The following TDRD9 variants were observed in gnomAD, a reference collection of about 807,000 sequenced individuals.
TDRD9 encodes the protein ATP-dependent RNA helicase TDRD9.
Under a neutral mutation model 172.6 loss-of-function variants are expected in TDRD9, and 124 were observed. The observed-to-expected ratio is 0.72, with a 90% CI of 0.62 to 0.83. TDRD9 has a LOEUF of 0.83. Ranked by LOEUF, TDRD9 falls within the 40% of genes least tolerant of loss-of-function variation. TDRD9 has a pLI of 0.00. For synonymous variants in TDRD9, 619 were observed against 617.1 expected, an observed-to-expected ratio of 1.00 and a Z score of -0.05; for missense variants, 1,479 against 1,714.1, an observed-to-expected ratio of 0.86 and a Z score of 2.42.
chr14:103,935,037 A>C (rs2030661408), intron 1 of TDRD9, among the ~76,000 whole-genome samples: 1 of 152,112 alleles, frequency 6.6e-6, no homozygotes, highest in African/African-American at 2.4e-5. Context: ...GCGAAGACTG[A>C]TTTTCCCTGA....
In TDRD9 at chr14:103,951,252, A is replaced by G. The variant is rs557691624; in HGVS notation, c.216-4412A>G. 4.9e-4 allele frequency among the ~76,000 whole-genome samples: 75 copies of G among 152,370 alleles called. 2 individuals carry two copies. The highest frequency in any genetic ancestry group is 6.8e-3 in the Middle Eastern group (2 of 294). ...TTATCATTGTTTACTACTAGTAAAA[A>G]GCAGCATTGCCAAATAATCCCTGAT... is the stretch of plus-strand genomic sequence containing the variant. On this transcript the variant is annotated intron_variant, in intron 1 of 35. Transcript: ENST00000409874.
At position 103,998,735 on chromosome 14, in the gene TDRD9, C is replaced by A; in HGVS notation, c.1483+7C>A. 3 of 1,437,150 alleles carry A rather than the reference C, an allele frequency of 2.1e-6. No individual in the cohort carries two copies. Among genetic ancestry groups the A allele is most frequent in the Non-Finnish European group, 2.9e-6 (3 of 1,020,246 alleles). The allele number at this position is 1,437,150 out of a possible 1,614,324, so 89.0% of individuals were successfully genotyped here. ...AGCTGTAATCAGAGAAAAGGTAAGA[C>A]ATTTGTGTTAAAGCACAATAATGAG... On this transcript the variant is annotated splice_region_variant and intron_variant, in intron 13 of 35. Transcript: ENST00000409874.
At position 103,986,707 on chromosome 14, in the gene TDRD9, C is replaced by T. The variant is rs1595949788; in HGVS notation, c.1115+387C>T. ...TTACTATAAAGACATATTCTTGACC[C>T]TAAGCAATCTCCTTCTGTAATCCAG... On this transcript the variant is annotated intron_variant, in intron 8 of 35. Transcript: ENST00000409874. Among the ~76,000 whole-genome samples the T allele has an allele frequency of 2.0e-5, 3 of 152,318 alleles. No homozygotes were observed. In the South Asian group the frequency reaches 6.2e-4, roughly 32 times the overall value.
chr14:104,024,827 G>T, intron 25 of TDRD9, 147 bp downstream of exon 25: 1 of 438,050 alleles, frequency 2.3e-6, no homozygotes, highest in Non-Finnish European at 4.1e-6. Context: ...TAATGTGGGT[G>T]AGTTTGAATT....
intron 14 of TDRD9, among the ~76,000 whole-genome samples, chr14:104,004,978 CT>C (rs946703093): frequency 8.6e-5 from 13 of 151,754 alleles, no homozygotes; most frequent in Non-Finnish European, 1.9e-4. Context: ...TGTCCTCCTT[CT>C]TTTTTTTCTT....
chr14:103,987,818 C>T (rs1386497998), intron 8 of TDRD9, among the ~76,000 whole-genome samples: 1 of 152,104 alleles, frequency 6.6e-6, no homozygotes, highest in Non-Finnish European at 1.5e-5. Flanking sequence ...TGCCTGGTTG[C>T]TCTATATATT....
rs752120445 is a variant in TDRD9 at position 103,955,653 on chromosome 14, ATTC to A, written c.216-8_216-6del. The stretch of plus-strand genomic sequence containing the variant: ...TGGAAATAGTATACTAACTTTTACT[ATTC>A]TTTTCAGGTCACTCAGCCAAAGGAG... On this transcript the variant is annotated splice_polypyrimidine_tract_variant and splice_region_variant and intron_variant, in intron 1 of 35. Transcript: ENST00000409874. 5.8e-5 allele frequency: 89 copies of A among 1,547,300 alleles called. No individual in the cohort carries two copies. The highest frequency in any genetic ancestry group is 7.5e-5 in the Non-Finnish European group (86 of 1,144,378).
intron 26 of TDRD9, 121 bp from the exon 27 acceptor site, chr14:104,025,926 G>A: frequency 1.0e-6 from 1 of 976,042 alleles, no homozygotes; most frequent in Non-Finnish European, 1.6e-6. Flanking sequence ...GTGGATTTAA[G>A]CTCAGGTCAC....
intron 1 of TDRD9, among the ~76,000 whole-genome samples, chr14:103,930,001 A>G (rs1354293769): frequency 6.6e-6 from 1 of 152,202 alleles, no homozygotes; most frequent in Non-Finnish European, 1.5e-5. Context: ...ATAAAAAGCA[A>G]GAGTATATCC....
chr14:104,038,243 CAATT>C (rs776078021), intron 32 of TDRD9, among the ~76,000 whole-genome samples: 3 of 151,734 alleles, frequency 2.0e-5, no homozygotes, highest in Non-Finnish European at 2.9e-5. Flanking sequence ...GAAGTTCTAT[CAATT>C]AAAACCTAAA....
intron 11 of TDRD9, 109 bp downstream of exon 11, chr14:103,994,712 G>A: frequency 3.5e-6 from 3 of 859,932 alleles, no homozygotes; most frequent in Non-Finnish European, 5.5e-6. Flanking sequence ...TGTGTTTCCA[G>A]CACTGTGAGA....
At chr14:104,033,523 G>T (rs541000507) in intron 30 of TDRD9, among the ~76,000 whole-genome samples, 1 of 152,336 alleles carries the variant, frequency 6.6e-6, no homozygotes, top group Admixed American at 6.5e-5. Flanking sequence ...GAAGAATTAA[G>T]GGTGCCCTTG....
At position 104,021,566 on chromosome 14, in the gene TDRD9, G is replaced by A. The variant is rs749785516; in HGVS notation, c.2433-591G>A. On this transcript the variant is annotated intron_variant, in intron 23 of 35. Transcript: ENST00000409874. ...AAATTAGCTGGACGTGGTGGCACAC[G>A]CCTGCAGTCCCAGCTACTCGGGAGG... Among the ~76,000 whole-genome samples the A allele has an allele frequency of 5.9e-5, 9 of 152,194 alleles. 1 individual carries two copies. Among genetic ancestry groups the A allele is most frequent in the South Asian group, 4.2e-4 (2 of 4,816 alleles).
intron 34 of TDRD9, among the ~76,000 whole-genome samples, chr14:104,047,772 T>C (rs1298383347): frequency 2.6e-5 from 4 of 152,236 alleles, no homozygotes; most frequent in African/African-American, 9.6e-5. Context: ...TGATCCTTTA[T>C]TATTTCATCT....
At chr14:103,938,440 A>ATTT (rs71126087) in intron 1 of TDRD9, among the ~76,000 whole-genome samples, 641 of 44,466 alleles carry the variant, frequency 0.014, 36 homozygotes, top group South Asian at 0.026. Context: ...ATATATATAT[A>ATTT]TTTTTTTTTT....
chr14:103,953,763 G>T (rs1391732233), intron 1 of TDRD9, among the ~76,000 whole-genome samples: 3 of 152,148 alleles, frequency 2.0e-5, no homozygotes, highest in Non-Finnish European at 4.4e-5. Flanking sequence ...GTGTCCCAGG[G>T]CAGGAGAGAC....
intron 1 of TDRD9, among the ~76,000 whole-genome samples, chr14:103,932,285 A>T (rs1336498131): frequency 6.6e-6 from 1 of 152,264 alleles, no homozygotes; most frequent in Admixed American, 6.5e-5. Flanking sequence ...TGCCTGGCAC[A>T]TAGTGGATAC....
chr14:104,032,966 G>A (rs764826625), intron 30 of TDRD9, among the ~76,000 whole-genome samples: 3 of 152,050 alleles, frequency 2.0e-5, no homozygotes, highest in Non-Finnish European at 4.4e-5. Flanking sequence ...GAGAGGGGAG[G>A]TGGGATGAGG....
rs1596042128 is a variant in TDRD9, at chr14:104,052,145, C to A, written c.*63C>A. 8.4e-7 allele frequency: 1 copy of A among 1,196,986 alleles called. No individual in the cohort carries two copies. The highest frequency in any genetic ancestry group is 1.3e-5 in the South Asian group (1 of 74,174). The allele number at this position is 1,196,986 out of a possible 1,614,324, so 74.1% of individuals were successfully genotyped here. A position where few individuals can be genotyped will look rare whatever the true frequency, so the allele number is the denominator to read the frequency against. ...AGCTGTGGAGGCTGGATTCCAGGCT[C>A]CCTCCGCAGACTGACTTTCCTCTGT... On this transcript the variant is annotated 3_prime_UTR_variant, in exon 36 of 36. Coordinates refer to ENST00000409874, the MANE Select transcript of TDRD9 (RefSeq NM_153046.3).
Sources: allele counts gnomAD v4.1 joint callset (sites outside exome capture counted in the v4.1 genomes callset), GRCh38; gene constraint gnomAD v4.1.1; transcripts MANE v1.5; gene names NCBI Gene and HGNC (gene_info 2026-07-23, HGNC 2026-07-21).